CDH4: variants seen among roughly 807,000 people sequenced by gnomAD.
The protein encoded by CDH4 is cadherin-4.
Under a neutral mutation model 86.0 loss-of-function variants are expected in CDH4, and 33 were observed. The ratio of observed to expected loss-of-function variants is 0.38; its 90% CI spans 0.29 to 0.51. CDH4 has a LOEUF of 0.51. Among genes scored for constraint, CDH4 ranks in the 20% least tolerant of loss-of-function variants. CDH4 has a pLI of 0.86. For missense variants in CDH4, 1,114 were observed against 1,307.4 expected (o/e 0.85, Z 2.28); for synonymous variants, 555 against 549.4 (o/e 1.01, Z -0.14).
intron 3 of CDH4, among the ~76,000 whole-genome samples, chr20:61,749,601 T>C (rs2088462762): frequency 6.6e-6 from 1 of 152,030 alleles, no homozygotes; most frequent in African/African-American, 2.4e-5. Flanking sequence ...CCCATAGATT[T>C]AGAAGTTAAG....
chr20:61,777,722 G>GCA (rs1265253496), intron 4 of CDH4, among the ~76,000 whole-genome samples: 1 of 38,634 alleles, frequency 2.6e-5, no homozygotes, highest in Non-Finnish European at 5.2e-5. Flanking sequence ...CCACATGCGT[G>GCA]CACACGTGCA....
chr20:61,929,786 C>A lies in CDH4; in HGVS notation c.2183C>A (p.Ala728Asp). The A allele has an allele frequency of 6.2e-7, 1 of 1,614,080 alleles. No individual in the cohort carries two copies. Among genetic ancestry groups the A allele is most frequent in the Non-Finnish European group, 8.5e-7 (1 of 1,180,034 alleles). Residue 728 changes from alanine (A) to aspartate (D), a missense_variant, in exon 13 of 16, where the codon GCT (alanine) becomes GAT (aspartate). Transcript: ENST00000614565. ...DCTTIGAVAA[A>D]GLGTGAIVAI... ...ACCACCATTGGCGCAGTGGCAGCGG[C>A]TGGTCTGGGCACCGGTGCCATCGTG...
chr20:61,869,131 A>T (rs1381435124), intron 6 of CDH4, among the ~76,000 whole-genome samples: 1 of 152,222 alleles, frequency 6.6e-6, no homozygotes, highest in African/African-American at 2.4e-5. Flanking sequence ...CTTTCATGAA[A>T]CATTTGAGCT....
intron 2 of CDH4, among the ~76,000 whole-genome samples, chr20:61,266,252 A>G (rs1371632570): frequency 6.6e-6 from 1 of 151,942 alleles, no homozygotes; most frequent in Non-Finnish European, 1.5e-5. Context: ...TGCATTTTCC[A>G]TATGGAGTAT....
At chr20:61,456,452 G>C in intron 2 of CDH4, among the ~76,000 whole-genome samples, 1 of 152,226 alleles carries the variant, frequency 6.6e-6, no homozygotes, top group East Asian at 1.9e-4. Flanking sequence ...CAAAGCAGGG[G>C]AGTGTGAACT....
At chr20:61,618,042 C>T (rs533411645) in intron 2 of CDH4, among the ~76,000 whole-genome samples, 20 of 152,242 alleles carry the variant, frequency 1.3e-4, no homozygotes, top group East Asian at 1.2e-3. Flanking sequence ...GCCACGATTG[C>T]GAGGCCTCCC....
chr20:61,839,570 ATG>A (rs1334678690), intron 4 of CDH4, among the ~76,000 whole-genome samples: 5 of 148,788 alleles, frequency 3.4e-5, no homozygotes, highest in African/African-American at 5.0e-5. Flanking sequence ...GCATATGTGC[ATG>A]TGTGTGTGAC....
At position 61,703,983 on chromosome 20, in the gene CDH4, C is replaced by T. The variant is rs763379480; in HGVS notation, c.170-39580C>T. Among the ~76,000 whole-genome samples, 4 of 151,914 alleles carry T rather than the reference C, an allele frequency of 2.6e-5. No individual in the cohort carries two copies. The highest frequency in any genetic ancestry group is 2.4e-5 in the African/African-American group (1 of 41,362). On this transcript the variant is annotated intron_variant, in intron 2 of 15. Transcript: ENST00000614565. This position sits in a 1 kb window ranked among gnomAD's most constrained non-coding sequence, Gnocchi z 4.3. Reference sequence around the variant, plus strand: ...GGGATGAGGGTGGCAGAGTCACAGCCGCTGGGAGTGGCCGGGCAGGTGGCT... The same window carrying T: ...GGGATGAGGGTGGCAGAGTCACAGCTGCTGGGAGTGGCCGGGCAGGTGGCT...
chr20:61,347,144 C>T (rs1405235889), intron 2 of CDH4, among the ~76,000 whole-genome samples: 1 of 152,200 alleles, frequency 6.6e-6, no homozygotes, highest in Non-Finnish European at 1.5e-5. Context: ...TCATGGACTG[C>T]GGTTCTCAGA....
chr20:61,842,056 A>T (rs1174244131), intron 4 of CDH4, among the ~76,000 whole-genome samples: 1 of 152,178 alleles, frequency 6.6e-6, no homozygotes, highest in Non-Finnish European at 1.5e-5. Context: ...TATGAATTGG[A>T]GTTTTTCCAG....
intron 2 of CDH4, among the ~76,000 whole-genome samples, chr20:61,533,371 G>A (rs1425426873): frequency 1.3e-5 from 2 of 152,236 alleles, no homozygotes; most frequent in Non-Finnish European, 2.9e-5. Context: ...GGTCAAGTGG[G>A]TGTGGCTGCA....
chr20:61,607,549 A>G (rs980673093), intron 2 of CDH4, among the ~76,000 whole-genome samples: 2 of 152,248 alleles, frequency 1.3e-5, no homozygotes, highest in African/African-American at 4.8e-5. Context: ...ACAGGCAACG[A>G]TGTAATAAGA....
chr20:61,465,842 G>A (rs751705381), intron 2 of CDH4, among the ~76,000 whole-genome samples: 2 of 151,914 alleles, frequency 1.3e-5, no homozygotes, highest in Non-Finnish European at 2.9e-5. Flanking sequence ...TTATTTTATA[G>A]GGTGTAAATA....
intron 2 of CDH4, among the ~76,000 whole-genome samples, chr20:61,463,443 A>G (rs1050442077): frequency 6.6e-6 from 1 of 152,222 alleles, no homozygotes; most frequent in African/African-American, 2.4e-5. Flanking sequence ...GAGACTTTTC[A>G]CACAAAGATG....
At chr20:61,565,233 G>GTGGTGCTCTTGGTGGTGGCGGTGCTCT (rs1555809114) in intron 2 of CDH4, among the ~76,000 whole-genome samples, 2 of 46,744 alleles carry the variant, frequency 4.3e-5, no homozygotes, top group Non-Finnish European at 8.2e-5. Context: ...GGTGGTGGTG[G>GTGGTGCTCTTGGTGGTGGCGGTGCTCT]TGGTGGTGGC....
intron 6 of CDH4, among the ~76,000 whole-genome samples, chr20:61,855,264 A>G (rs1982948685): frequency 6.6e-6 from 1 of 152,194 alleles, no homozygotes; most frequent in Admixed American, 6.5e-5. Context: ...CTGCAGCGTG[A>G]ACAGGGTGAA....
At chr20:61,618,005 C>T (rs2086739381) in intron 2 of CDH4, among the ~76,000 whole-genome samples, 1 of 152,168 alleles carries the variant, frequency 6.6e-6, no homozygotes, top group Admixed American at 6.5e-5. Context: ...TTGCCTGCCG[C>T]CATGTAAGAT....
At chr20:61,327,633 G>A (rs2084543673) in intron 2 of CDH4, among the ~76,000 whole-genome samples, 1 of 152,168 alleles carries the variant, frequency 6.6e-6, no homozygotes, top group Non-Finnish European at 1.5e-5. Context: ...TCTCGTGCAG[G>A]GAGTTGGTGG....
Position 61,499,284 on chromosome 20 carries a change from C to T in CDH4, c.170-244279C>T, listed in dbSNP as rs373242557. On this transcript the variant is annotated intron_variant, in intron 2 of 15. Coordinates refer to ENST00000614565, the MANE Select transcript of CDH4 (RefSeq NM_001794.5). Reference sequence around the variant, plus strand: ...AGCATCTGGGTTGGGGGCACAGCCCCGGACCTTCATGCTGCTCACTCTGGC... The same window carrying T: ...AGCATCTGGGTTGGGGGCACAGCCCTGGACCTTCATGCTGCTCACTCTGGC... 44 of 396,108 alleles carry T rather than the reference C, an allele frequency of 1.1e-4. 1 individual carries two copies. In the East Asian group the frequency reaches 2.1e-3, roughly 19 times the overall value. The allele number at this position is 396,108 out of a possible 1,614,324, so 24.5% of individuals were successfully genotyped here. A position where few individuals can be genotyped will look rare whatever the true frequency, so the allele number is the denominator to read the frequency against.
Sources: gnomAD v4.1 joint callset for allele counts (sites outside exome capture counted in the v4.1 genomes callset) on GRCh38, gnomAD v4.1.1 for gene constraint, Gnocchi (gnomAD v3.1) non-coding constraint, MANE v1.5 for transcripts, NCBI Gene and HGNC (gene_info 2026-07-23, HGNC 2026-07-21) for gene names.